Variants in JARID2 observed in about 807,000 individuals in gnomAD.
JARID2 encodes the protein protein Jumonji.
In JARID2, 21 loss-of-function variants were observed where a neutral mutation model predicts 125.6. The ratio of observed to expected loss-of-function variants is 0.17; its 90% CI spans 0.12 to 0.24. The LOEUF is 0.24. JARID2 is among the 10% of genes least tolerant of loss of function. The pLI is 1.00. For synonymous variants in JARID2, 736 were observed against 661.6 expected, an observed-to-expected ratio of 1.11 and a Z score of -1.73; for missense variants, 1,303 against 1,639.6, an observed-to-expected ratio of 0.79 and a Z score of 3.55.
intron 1 of JARID2, among the ~76,000 whole-genome samples, chr6:15,293,432 C>T (rs1561775347): frequency 6.6e-6 from 1 of 152,170 alleles, no homozygotes; most frequent in Non-Finnish European, 1.5e-5. Context: ...ACCCAAAAAA[C>T]CTGCTAGCTC....
At chr6:15,364,525 A>C (rs1431828401) in intron 1 of JARID2, among the ~76,000 whole-genome samples, 1 of 152,254 alleles carries the variant, frequency 6.6e-6, no homozygotes, top group African/African-American at 2.4e-5. Flanking sequence ...CCTAGAGGCC[A>C]GATGTGCCCC....
chr6:15,328,882 G>T (rs1436796172), intron 1 of JARID2, among the ~76,000 whole-genome samples: 1 of 152,256 alleles, frequency 6.6e-6, no homozygotes, highest in Non-Finnish European at 1.5e-5. Flanking sequence ...ATGTCTAGCT[G>T]CTGAGGCCCC....
At chr6:15,259,926 G>A (rs1759807908) in intron 1 of JARID2, among the ~76,000 whole-genome samples, 1 of 151,960 alleles carries the variant, frequency 6.6e-6, no homozygotes, top group Non-Finnish European at 1.5e-5. Flanking sequence ...ATTAAACTGT[G>A]GACAGCAGAG....
Position 15,488,339 on chromosome 6 carries a change from T to A in JARID2, c.906+797T>A, listed in dbSNP as rs74740659. Among the ~76,000 whole-genome samples, 1,298 of 152,354 alleles carry A rather than the reference T, an allele frequency of 8.5e-3. 15 individuals are homozygous for A. The highest frequency in any genetic ancestry group is 0.03 in the African/African-American group (1,254 of 41,580). ...TTCCTGCAGGCACACAGCTGAGGGCTTGTCCCCGGACAGGTGGCATTTCAC... is the reference window on the plus strand; with the variant it reads ...TTCCTGCAGGCACACAGCTGAGGGCATGTCCCCGGACAGGTGGCATTTCAC... On this transcript the variant is annotated intron_variant, in intron 6 of 17. Transcript: ENST00000341776.
At chr6:15,331,590 G>A (rs972240862) in intron 1 of JARID2, among the ~76,000 whole-genome samples, 7 of 151,552 alleles carry the variant, frequency 4.6e-5, no homozygotes, top group African/African-American at 4.8e-5. Context: ...GGGGGGCCGG[G>A]TGCAGTGGCT....
rs556672997 is a variant in JARID2, at chr6:15,456,416, T to TA, written c.493+4248dup. 5.3e-3 allele frequency among the ~76,000 whole-genome samples: 807 copies of TA among 152,286 alleles called. 6 individuals are homozygous for TA. The highest frequency in any genetic ancestry group is 8.5e-3 in the Non-Finnish European group (579 of 68,022). The stretch of plus-strand genomic sequence containing the variant: ...GCCTAGGAGATGTTTAAAACAAATT[T>TA]AAAAAAATGCTCTGAACCTTTGGAA... On this transcript the variant is annotated intron_variant, in intron 4 of 17. Transcript: ENST00000341776.
At chr6:15,329,662 T>C (rs1434715973) in intron 1 of JARID2, among the ~76,000 whole-genome samples, 3 of 152,250 alleles carry the variant, frequency 2.0e-5, no homozygotes, top group Non-Finnish European at 4.4e-5. Flanking sequence ...ATTCGGATTT[T>C]ATCTTCCCAT....
intron 1 of JARID2, among the ~76,000 whole-genome samples, chr6:15,297,404 T>A (rs1466450953): frequency 6.6e-6 from 1 of 152,024 alleles, no homozygotes; most frequent in Non-Finnish European, 1.5e-5. Flanking sequence ...CGCCTCGGCC[T>A]GGGATTACAA....
At chr6:15,258,997 GCTTGGTTTTTCTTCCTAA>G (rs1204506319) in intron 1 of JARID2, among the ~76,000 whole-genome samples, 2 of 152,120 alleles carry the variant, frequency 1.3e-5, no homozygotes, top group Non-Finnish European at 2.9e-5. Flanking sequence ...TCTCACCAAG[GCTTGGTTTTTCTTCCTAA>G]CTTATGGAAA....
chr6:15,484,137 C>T (rs532449422), intron 5 of JARID2, among the ~76,000 whole-genome samples: 2 of 152,170 alleles, frequency 1.3e-5, no homozygotes, highest in Non-Finnish European at 2.9e-5. Flanking sequence ...CTGTAAATCT[C>T]CTTTGAGATC....
chr6:15,400,516 C>G (rs533352389), intron 2 of JARID2, among the ~76,000 whole-genome samples: 5 of 152,040 alleles, frequency 3.3e-5, no homozygotes, highest in Admixed American at 2.0e-4. Flanking sequence ...GGCATCTGAC[C>G]GGCTGGGGAC....
intron 1 of JARID2, among the ~76,000 whole-genome samples, chr6:15,278,187 G>A (rs1314146214): frequency 7.0e-6 from 1 of 143,490 alleles, no homozygotes; most frequent in African/African-American, 2.5e-5. Context: ...AGCTGAGATT[G>A]TGCCACTGCA....
At chr6:15,479,275 A>ATCTT (rs1158666672) in intron 5 of JARID2, among the ~76,000 whole-genome samples, 2 of 152,230 alleles carry the variant, frequency 1.3e-5, no homozygotes, top group Non-Finnish European at 2.9e-5. Flanking sequence ...AGGGCCAAGA[A>ATCTT]GCCATTTTTC....
At chr6:15,451,421 A>G (rs535056274) in intron 3 of JARID2, among the ~76,000 whole-genome samples, 1 of 152,338 alleles carries the variant, frequency 6.6e-6, no homozygotes, top group East Asian at 1.9e-4. Context: ...GGGCGTAGAT[A>G]GACTAGAGAC....
At chr6:15,510,391 CGTT>C (rs1427359688) in intron 12 of JARID2, among the ~76,000 whole-genome samples, 1 of 152,192 alleles carries the variant, frequency 6.6e-6, no homozygotes, top group Admixed American at 6.5e-5. Context: ...GGGCGTCACA[CGTT>C]GTGAGTGGAA....
intron 3 of JARID2, among the ~76,000 whole-genome samples, chr6:15,431,713 A>G (rs1172871634): frequency 6.6e-6 from 1 of 152,224 alleles, no homozygotes; most frequent in African/African-American, 2.4e-5. Flanking sequence ...AAGCACTGTA[A>G]GAAATTTACA....
chr6:15,414,896 A>AGG (rs773614484), intron 3 of JARID2, among the ~76,000 whole-genome samples: 9 of 151,968 alleles, frequency 5.9e-5, no homozygotes, highest in Admixed American at 1.3e-4. Flanking sequence ...ACAATAGTGG[A>AGG]GGGAGGGTCA....
At chr6:15,462,908 T>G (rs926309) in intron 4 of JARID2, among the ~76,000 whole-genome samples, 102,216 of 152,164 alleles carry the variant, frequency 0.67, 34,627 homozygotes, top group East Asian at 0.81. Context: ...TCTCTGTTGT[T>G]GTTGTAACAT....
chr6:15,412,919 C>A (rs1581523790), intron 3 of JARID2, among the ~76,000 whole-genome samples: 1 of 143,838 alleles, frequency 7.0e-6, no homozygotes, highest in African/African-American at 2.6e-5. Flanking sequence ...TTTAAAATAT[C>A]TTTAGTGGAT....
Sources: gnomAD v4.1 joint callset for allele counts (sites outside exome capture counted in the v4.1 genomes callset) on GRCh38, gnomAD v4.1.1 for gene constraint, MANE v1.5 for transcripts, NCBI Gene and HGNC (gene_info 2026-07-23, HGNC 2026-07-21) for gene names.